PARD3B: variants seen among roughly 807,000 people sequenced by gnomAD.
PARD3B encodes the protein partitioning defective 3 homolog B.
PARD3B carries 103 observed loss-of-function variants against 130.2 expected under a neutral mutation model. The ratio of observed to expected loss-of-function variants is 0.79; its 90% CI spans 0.67 to 0.93. The LOEUF (loss-of-function observed/expected upper bound fraction) is 0.93. Ranked by LOEUF, PARD3B falls within the 40% of genes least tolerant of loss-of-function variation. The probability of loss-of-function intolerance (pLI) is 0.00; values close to 1 mark genes in which losing one functional copy is unlikely to be tolerated. For synonymous variants in PARD3B, 583 were observed against 553.2 expected (o/e 1.05, Z -0.76); for missense variants, 1,609 against 1,499.2 (o/e 1.07, Z -1.21).
At chr2:205,018,933 C>G (rs1259264821) in intron 3 of PARD3B, among the ~76,000 whole-genome samples, 1 of 152,028 alleles carries the variant, frequency 6.6e-6, no homozygotes, top group East Asian at 1.9e-4. Flanking sequence ...TTGATTTATA[C>G]TTAAATTTAT....
At chr2:204,585,614 G>A (rs2032783913) in intron 1 of PARD3B, among the ~76,000 whole-genome samples, 1 of 151,752 alleles carries the variant, frequency 6.6e-6, no homozygotes, top group Non-Finnish European at 1.5e-5. Flanking sequence ...AAAGTGCTGG[G>A]ATTACAGGCA....
At chr2:204,703,466 C>T (rs1342235668) in intron 2 of PARD3B, among the ~76,000 whole-genome samples, 1 of 152,060 alleles carries the variant, frequency 6.6e-6, no homozygotes, top group Non-Finnish European at 1.5e-5. Flanking sequence ...ACTTTATGCT[C>T]TTGTAAAAAT....
chr2:204,731,125 G>C (rs1047632800), intron 2 of PARD3B, among the ~76,000 whole-genome samples: 2 of 152,322 alleles, frequency 1.3e-5, no homozygotes, highest in Admixed American at 6.5e-5. Flanking sequence ...ATGGCAAGCT[G>C]TTCCTAGTTT....
At chr2:205,231,914 A>G (rs2038856532) in intron 15 of PARD3B, among the ~76,000 whole-genome samples, 1 of 152,212 alleles carries the variant, frequency 6.6e-6, no homozygotes, top group African/African-American at 2.4e-5. Flanking sequence ...AAAAGGATTC[A>G]AGAAGCAGTA....
rs1214884926 is a variant in PARD3B at position 204,909,546 on chromosome 2, G to C, written c.223-55606G>C. On this transcript the variant is annotated intron_variant, in intron 2 of 22. Coordinates refer to ENST00000406610, the MANE Select transcript of PARD3B (RefSeq NM_001302769.2). The stretch of plus-strand genomic sequence containing the variant: ...TTCTGAAGCTGGATTACTTGGATTT[G>C]TGTGAAAGTTTTCCTACTTCTTAGC... Among the ~76,000 whole-genome samples the C allele has an allele frequency of 1.3e-5, 2 of 152,138 alleles. 1 individual carries two copies.
At chr2:205,184,902 C>G (rs1035318201) in intron 13 of PARD3B, among the ~76,000 whole-genome samples, 1 of 152,104 alleles carries the variant, frequency 6.6e-6, no homozygotes, top group Non-Finnish European at 1.5e-5. Context: ...CAAGTTCACA[C>G]AGCAGTAGGG....
rs550743962 is a variant in PARD3B at position 205,552,980 on chromosome 2, T to G, written c.3181-344T>G. Among the ~76,000 whole-genome samples the G allele has an allele frequency of 1.6e-4, 25 of 152,184 alleles. No homozygotes were observed. In the East Asian group the frequency reaches 4.9e-3, roughly 30 times the overall value. ...CTCTATACTACCTGTTCAATGTTTC[T>G]GTAAACCTAAAACTATTCTAAAAAC... On this transcript the variant is annotated intron_variant, in intron 21 of 22. Transcript: ENST00000406610.
At position 205,585,916 on chromosome 2, in the gene PARD3B, C is replaced by A. The variant is rs1367000082; in HGVS notation, c.3261-29540C>A. 6.6e-6 allele frequency among the ~76,000 whole-genome samples: 1 copy of A among 152,214 alleles called. No homozygotes were observed. Among genetic ancestry groups the A allele is most frequent in the African/African-American group, 2.4e-5 (1 of 41,450 alleles). ...AACCCACATCTTACATTCAACAGAGCAGCCTACGTCCACAATAAACCAACA... is the reference window on the plus strand; with the variant it reads ...AACCCACATCTTACATTCAACAGAGAAGCCTACGTCCACAATAAACCAACA... On this transcript the variant is annotated intron_variant, in intron 22 of 22. Coordinates refer to ENST00000406610, the MANE Select transcript of PARD3B (RefSeq NM_001302769.2). This position sits in a 1 kb window ranked among gnomAD's most constrained non-coding sequence, Gnocchi z 5.4.
At chr2:204,959,008 G>A (rs189171514) in intron 2 of PARD3B, among the ~76,000 whole-genome samples, 115 of 152,190 alleles carry the variant, frequency 7.6e-4, no homozygotes, top group Middle Eastern at 3.4e-3. Flanking sequence ...TGTGCAGAAC[G>A]TGCAGGTTTG....
chr2:205,540,938 TGAA>T (rs1009645562), intron 21 of PARD3B, among the ~76,000 whole-genome samples: 1 of 152,218 alleles, frequency 6.6e-6, no homozygotes. Flanking sequence ...TTGGTGAAAT[TGAA>T]GAATTCAGTA....
rs542354853 is a variant in PARD3B, at chr2:205,421,803, G to A, written c.2742-18567G>A. ...TTCCTTTTGCAGACTCATTGTCATTGGCTTTTACTTGGCTGCCTATGTTCC... is the reference window on the plus strand; with the variant it reads ...TTCCTTTTGCAGACTCATTGTCATTAGCTTTTACTTGGCTGCCTATGTTCC... On this transcript the variant is annotated intron_variant, in intron 19 of 22. Transcript: ENST00000406610. This position sits in a 1 kb window ranked among gnomAD's most constrained non-coding sequence, Gnocchi z 5.1. Among the ~76,000 whole-genome samples, 9 of 152,142 alleles carry A rather than the reference G, an allele frequency of 5.9e-5. No homozygotes were observed. The highest frequency in any genetic ancestry group is 1.2e-4 in the Non-Finnish European group (8 of 68,036).
chr2:205,371,521 A>C (rs1366858497), intron 18 of PARD3B, among the ~76,000 whole-genome samples: 2 of 152,196 alleles, frequency 1.3e-5, no homozygotes, highest in African/African-American at 2.4e-5. Context: ...TGGGCATCAG[A>C]GGCTGTAGAG....
intron 2 of PARD3B, among the ~76,000 whole-genome samples, chr2:204,721,349 C>T (rs1165223241): frequency 1.3e-5 from 2 of 152,082 alleles, no homozygotes; most frequent in Non-Finnish European, 1.5e-5. Flanking sequence ...ATACTCCCCC[C>T]TGTAAGAGTC....
intron 18 of PARD3B, among the ~76,000 whole-genome samples, chr2:205,306,958 A>G (rs540293390): frequency 6.6e-6 from 1 of 152,318 alleles, no homozygotes; most frequent in Non-Finnish European, 1.5e-5. Context: ...TGTTTTAAGT[A>G]TGTATTATTT....
intron 4 of PARD3B, among the ~76,000 whole-genome samples, chr2:205,062,270 A>T (rs1232306218): frequency 2.6e-5 from 4 of 152,118 alleles, no homozygotes; most frequent in Admixed American, 1.3e-4. Context: ...TCGTAATGAA[A>T]GTATGTTATT....
In PARD3B at chr2:205,366,123, A is replaced by G. The variant is rs2044599747; in HGVS notation, c.2631-34890A>G. On this transcript the variant is annotated intron_variant, in intron 18 of 22. Transcript: ENST00000406610. This position sits in a 1 kb window ranked among gnomAD's most constrained non-coding sequence, Gnocchi z 5.0. ...ATTCATCCATCCATCCATTATCCAT[A>G]TTTATGTTGGCTAGAGCTCTGTGGG... Among the ~76,000 whole-genome samples, 3 of 151,778 alleles carry G rather than the reference A, an allele frequency of 2.0e-5. No individual in the cohort carries two copies.
At chr2:205,075,470 CA>C (rs1186542728) in intron 4 of PARD3B, among the ~76,000 whole-genome samples, 1 of 151,598 alleles carries the variant, frequency 6.6e-6, no homozygotes, top group African/African-American at 2.4e-5. Context: ...AATCCACCCT[CA>C]AAAAAGAAAA....
intron 20 of PARD3B, among the ~76,000 whole-genome samples, chr2:205,441,073 G>A (rs1303304123): frequency 6.6e-6 from 1 of 152,186 alleles, no homozygotes; most frequent in East Asian, 1.9e-4. Context: ...CTTCCAAGTA[G>A]GTGTAATTGA....
chr2:205,088,290 A>C (rs2125531805), intron 4 of PARD3B, among the ~76,000 whole-genome samples: 1 of 152,310 alleles, frequency 6.6e-6, no homozygotes. Flanking sequence ...AATTTGACAG[A>C]GTTTGAGCAT....
Sources: gnomAD v4.1 joint callset for allele counts (sites outside exome capture counted in the v4.1 genomes callset) on GRCh38, gnomAD v4.1.1 for gene constraint, Gnocchi (gnomAD v3.1) non-coding constraint, MANE v1.5 for transcripts, NCBI Gene and HGNC (gene_info 2026-07-23, HGNC 2026-07-21) for gene names.